The following CDK8 variants were observed in gnomAD, a reference collection of about 807,000 sequenced individuals.
CDK8 encodes cyclin-dependent kinase 8.
Under a neutral mutation model 71.5 loss-of-function variants are expected in CDK8, and 29 were observed. The ratio of observed to expected loss-of-function variants is 0.41; its 90% CI spans 0.30 to 0.55. The LOEUF (loss-of-function observed/expected upper bound fraction) is 0.55. CDK8 is among the 20% of genes least tolerant of loss of function. The pLI, the probability that CDK8 is intolerant of heterozygous loss-of-function variation, is 0.37. For missense variants in CDK8, 288 were observed against 572.6 expected (o/e 0.50, Z 5.07); for synonymous variants, 161 against 192.1 (o/e 0.84, Z 1.34).
In CDK8 at chr13:26,403,929, C is replaced by G. The variant is rs766547243; in HGVS notation, c.1270-27C>G. The G allele has an allele frequency of 1.0e-5, 16 of 1,607,098 alleles. No individual in the cohort carries two copies. The South Asian group carries it at 1.8e-4, about 18-fold the overall frequency. On this transcript the variant is annotated intron_variant, in intron 12 of 12. Coordinates refer to ENST00000381527, the MANE Select transcript of CDK8 (RefSeq NM_001260.3). ...GAGCTTCCCCTAGAAGCACCTGAAT[C>G]ACACTTTTCCCTCATCTCCTTTCCA...
chr13:26,292,247 C>T (rs1029796081), intron 1 of CDK8, among the ~76,000 whole-genome samples: 3 of 152,056 alleles, frequency 2.0e-5, no homozygotes, highest in African/African-American at 7.2e-5. Flanking sequence ...TTACCTTATT[C>T]TTACACCGTT....
chr13:26,365,394 C>T (rs1374345330), intron 4 of CDK8, among the ~76,000 whole-genome samples: 1 of 152,054 alleles, frequency 6.6e-6, no homozygotes, highest in Admixed American at 6.6e-5. Flanking sequence ...GCACAATGTA[C>T]TGTTTTATTA....
At chr13:26,334,028 T>C (rs143454771) in intron 1 of CDK8, among the ~76,000 whole-genome samples, 254 of 152,352 alleles carry the variant, frequency 1.7e-3, no homozygotes, top group African/African-American at 5.5e-3. Flanking sequence ...GGTTGCCTTT[T>C]TTATAATCAG....
chr13:26,368,522 C>T (rs1384066228), intron 4 of CDK8, among the ~76,000 whole-genome samples: 1 of 152,170 alleles, frequency 6.6e-6, no homozygotes, highest in Non-Finnish European at 1.5e-5. Context: ...TACTATCACA[C>T]CACGGAGGCT....
At chr13:26,292,485 G>A (rs1373296415) in intron 1 of CDK8, among the ~76,000 whole-genome samples, 1 of 152,216 alleles carries the variant, frequency 6.6e-6, no homozygotes, top group East Asian at 1.9e-4. Context: ...GGGAGAGAGA[G>A]TGGAGGGTCT....
intron 4 of CDK8, among the ~76,000 whole-genome samples, chr13:26,354,206 T>C (rs1343994953): frequency 6.6e-6 from 1 of 152,212 alleles, no homozygotes; most frequent in Non-Finnish European, 1.5e-5. Flanking sequence ...TTTATATATT[T>C]ATAATAACTT....
intron 1 of CDK8, among the ~76,000 whole-genome samples, chr13:26,257,388 T>C (rs1016603034): frequency 7.9e-5 from 12 of 152,182 alleles, no homozygotes; most frequent in Non-Finnish European, 1.5e-4. Flanking sequence ...GGAAATAAAA[T>C]AGCTTCAAAG....
Position 26,345,813 on chromosome 13 carries a change from TTTG to T in CDK8, c.205-3256_205-3254del, listed in dbSNP as rs1491002594. 1.1e-4 allele frequency among the ~76,000 whole-genome samples: 17 copies of T among 152,238 alleles called. 1 individual carries two copies. The highest frequency in any genetic ancestry group is 3.2e-3 in the Middle Eastern group (1 of 316). On this transcript the variant is annotated intron_variant, in intron 2 of 12. Coordinates refer to ENST00000381527, the MANE Select transcript of CDK8 (RefSeq NM_001260.3). Reference sequence around the variant, plus strand: ...GTCCTTCTTTAGTTTAGTTGTGCATTTTGTTAATTTACACAATCATTTATTCGT... The same window carrying T: ...GTCCTTCTTTAGTTTAGTTGTGCATTTTAATTTACACAATCATTTATTCGT...
intron 1 of CDK8, among the ~76,000 whole-genome samples, chr13:26,286,367 C>A (rs945482120): frequency 3.3e-5 from 5 of 152,174 alleles, no homozygotes; most frequent in Admixed American, 3.3e-4. Context: ...CAAATACTTA[C>A]AGCCAACTGA....
chr13:26,257,921 T>TGA (rs373368489), intron 1 of CDK8, among the ~76,000 whole-genome samples: 1 of 120,344 alleles, frequency 8.3e-6, no homozygotes, highest in African/African-American at 4.3e-5. Flanking sequence ...TGTGTGTGTG[T>TGA]GAGAGAGAGA....
At chr13:26,351,125 C>G (rs1873662697) in intron 3 of CDK8, among the ~76,000 whole-genome samples, 1 of 152,020 alleles carries the variant, frequency 6.6e-6, no homozygotes, top group Non-Finnish European at 1.5e-5. Flanking sequence ...AACAAGTAAA[C>G]TAAACATCTA....
chr13:26,340,752 G>GTTAC (rs1873206021), intron 2 of CDK8, among the ~76,000 whole-genome samples: 1 of 152,054 alleles, frequency 6.6e-6, no homozygotes, highest in Admixed American at 6.6e-5. Context: ...TGTGTGCCTG[G>GTTAC]TTACTTACTT....
At chr13:26,264,992 G>A (rs1442568222) in intron 1 of CDK8, among the ~76,000 whole-genome samples, 1 of 152,144 alleles carries the variant, frequency 6.6e-6, no homozygotes, top group Non-Finnish European at 1.5e-5. Context: ...TGGACACTTA[G>A]ATTGATGCCA....
Position 26,274,004 on chromosome 13 carries a change from A to G in CDK8, c.128+19235A>G, listed in dbSNP as rs529784780. ...ATCTTTCTGTTGTTTTAATGTCTGT[A>G]TTTATTGTATTATATGATTGTACTT... On this transcript the variant is annotated intron_variant, in intron 1 of 12. Transcript: ENST00000381527. Among the ~76,000 whole-genome samples, 15 of 152,180 alleles carry G rather than the reference A, an allele frequency of 9.9e-5. No homozygotes were observed. In the Middle Eastern group the frequency reaches 0.01, roughly 104 times the overall value.
intron 1 of CDK8, among the ~76,000 whole-genome samples, chr13:26,314,206 T>C (rs1404016487): frequency 6.6e-6 from 1 of 152,232 alleles, no homozygotes; most frequent in Non-Finnish European, 1.5e-5. Flanking sequence ...TATTTAATTT[T>C]TTTTCTTTTC....
At chr13:26,348,383 C>G (rs968867642) in intron 2 of CDK8, among the ~76,000 whole-genome samples, 7 of 152,154 alleles carry the variant, frequency 4.6e-5, no homozygotes, top group African/African-American at 1.7e-4. Context: ...GCATTACCAC[C>G]TGAGCTCTGC....
At chr13:26,257,894 TTG>T (rs34745022) in intron 1 of CDK8, among the ~76,000 whole-genome samples, 8,567 of 148,660 alleles carry the variant, frequency 0.058, 289 homozygotes, top group South Asian at 0.081. Context: ...GAGTGTGTGT[TTG>T]TGTGTGTGTG....
chr13:26,275,801 A>G (rs1328915097), intron 1 of CDK8, among the ~76,000 whole-genome samples: 1 of 152,066 alleles, frequency 6.6e-6, no homozygotes, highest in African/African-American at 2.4e-5. Flanking sequence ...TTCATGTTAT[A>G]TATATTAAGA....
chr13:26,259,911 G>A (rs1310668167), intron 1 of CDK8, among the ~76,000 whole-genome samples: 1 of 152,118 alleles, frequency 6.6e-6, no homozygotes, highest in Non-Finnish European at 1.5e-5. Context: ...ACATGTAAAT[G>A]TTGCAATTCA....
Sources: gnomAD v4.1 joint callset for allele counts (sites outside exome capture counted in the v4.1 genomes callset) on GRCh38, gnomAD v4.1.1 for gene constraint, MANE v1.5 for transcripts, NCBI Gene and HGNC (gene_info 2026-07-23, HGNC 2026-07-21) for gene names.